The following ARL8B variants were observed in gnomAD, a reference collection of about 807,000 sequenced individuals.
ARL8B encodes ARF like GTPase 8B.
Under a neutral mutation model 30.6 loss-of-function variants are expected in ARL8B, and 9 were observed. The observed-to-expected ratio is 0.29, with a 90% confidence interval of 0.18 to 0.51. The LOEUF is 0.51. ARL8B is among the 20% of genes least tolerant of loss of function. The pLI is 0.97. For synonymous variants in ARL8B, 74 were observed against 76.0 expected (o/e 0.97, Z 0.14); for missense variants, 130 against 227.2 (o/e 0.57, Z 2.75).
intron 4 of ARL8B, among the ~76,000 whole-genome samples, chr3:5,173,787 A>G (rs1466305160): frequency 6.6e-6 from 1 of 152,246 alleles, no homozygotes; most frequent in South Asian, 2.1e-4. Flanking sequence ...ACTATTTTAC[A>G]TAGCAGTTGG....
rs2054190483 is a variant in ARL8B, at chr3:5,122,473, C to T, written c.8C>T (p.Ala3Val). The T allele has an allele frequency of 6.2e-7, 1 of 1,613,298 alleles. No homozygotes were observed. Among genetic ancestry groups the T allele is most frequent in the Non-Finnish European group, 8.5e-7 (1 of 1,179,718 alleles). ML[A>V]LISRLLDWFR... ...TCGCTCCCGGCCGCCATCATGCTGG[C>T]GCTCATCTCCCGCCTGCTGGACTGG... The change falls in exon 1 of 7, where the codon GCG becomes GTG. Residue 3 changes from alanine (A) to valine (V), a missense_variant. Coordinates refer to ENST00000256496, the MANE Select transcript of ARL8B (RefSeq NM_018184.3).
intron 1 of ARL8B, among the ~76,000 whole-genome samples, chr3:5,144,936 T>C (rs1325442253): frequency 6.6e-6 from 1 of 152,242 alleles, no homozygotes; most frequent in South Asian, 2.1e-4. Context: ...TTAGAATTAG[T>C]GAATATAGTG....
intron 1 of ARL8B, among the ~76,000 whole-genome samples, chr3:5,135,791 A>G (rs1160089737): frequency 2.5e-5 from 2 of 81,324 alleles, no homozygotes; most frequent in African/African-American, 1.2e-4. Context: ...TATTATTATT[A>G]TTATTATTAT....
chr3:5,122,692 A>G, intron 1 of ARL8B, 104 bp downstream of exon 1: 2 of 1,305,924 alleles, frequency 1.5e-6, no homozygotes, highest in Non-Finnish European at 2.1e-6. Context: ...GATGGGACTG[A>G]TGGCGGGGGG....
chr3:5,168,875 A>G (rs563433800), intron 1 of ARL8B, among the ~76,000 whole-genome samples: 2 of 152,318 alleles, frequency 1.3e-5, no homozygotes, highest in Non-Finnish European at 2.9e-5. Context: ...CATTATGTAA[A>G]ACACTTAATG....
intron 2 of ARL8B, among the ~76,000 whole-genome samples, 170 bp from the exon 3 acceptor site, chr3:5,171,980 A>G (rs1428878045): frequency 6.6e-6 from 1 of 152,276 alleles, no homozygotes; most frequent in African/African-American, 2.4e-5. Context: ...AGTGGCCCCA[A>G]GAATTCCCAT....
At chr3:5,150,412 G>A (rs777577985) in intron 1 of ARL8B, among the ~76,000 whole-genome samples, 4 of 148,466 alleles carry the variant, frequency 2.7e-5, no homozygotes, top group Non-Finnish European at 4.5e-5. Context: ...GCAGTGAGCC[G>A]AGATCTTGCC....
chr3:5,144,968 T>C (rs2054405889), intron 1 of ARL8B, among the ~76,000 whole-genome samples: 1 of 152,194 alleles, frequency 6.6e-6, no homozygotes, highest in African/African-American at 2.4e-5. Context: ...TTCAAGGAGC[T>C]TTAGCGCCTG....
chr3:5,143,740 C>T (rs189145568), intron 1 of ARL8B, among the ~76,000 whole-genome samples: 210 of 152,298 alleles, frequency 1.4e-3, no homozygotes, highest in African/African-American at 4.8e-3. Flanking sequence ...ACTGTGAACT[C>T]AAGAGGAAGA....
Position 5,131,493 on chromosome 3 carries a change from C to T in ARL8B, c.123+8905C>T, listed in dbSNP as rs549758364. Among the ~76,000 whole-genome samples the T allele has an allele frequency of 6.0e-5, 9 of 150,998 alleles. No homozygotes were observed. The South Asian group carries it at 1.0e-3, about 18-fold the overall frequency. On this transcript the variant is annotated intron_variant, in intron 1 of 6. Coordinates refer to ENST00000256496, the MANE Select transcript of ARL8B (RefSeq NM_018184.3). Reference sequence around the variant, plus strand: ...GCAACCTCCGCCTCCCGAGTTCAAGCGATTCTCCTGCCTCAGCCTCCTGAG... The same window carrying T: ...GCAACCTCCGCCTCCCGAGTTCAAGTGATTCTCCTGCCTCAGCCTCCTGAG...
intron 6 of ARL8B, among the ~76,000 whole-genome samples, chr3:5,174,762 ATATAT>A (rs141334831): frequency 7.8e-5 from 11 of 141,892 alleles, no homozygotes; most frequent in Non-Finnish European, 1.1e-4. Flanking sequence ...ATATATAAAT[ATATAT>A]TATATATAAC....
intron 1 of ARL8B, among the ~76,000 whole-genome samples, chr3:5,134,207 C>A (rs2054306539): frequency 6.6e-6 from 1 of 152,150 alleles, no homozygotes; most frequent in Non-Finnish European, 1.5e-5. Context: ...ACTTACCGTA[C>A]CCTGCTGATG....
At chr3:5,164,639 T>C (rs939243006) in intron 1 of ARL8B, among the ~76,000 whole-genome samples, 8 of 152,348 alleles carry the variant, frequency 5.3e-5, no homozygotes, top group South Asian at 4.1e-4. Context: ...GGATGTTCTT[T>C]TACATGAGTA....
In ARL8B at chr3:5,179,022, G is replaced by C; in HGVS notation, c.*309G>C. On this transcript the variant is annotated 3_prime_UTR_variant, in exon 7 of 7. Coordinates refer to ENST00000256496, the MANE Select transcript of ARL8B (RefSeq NM_018184.3). The stretch of plus-strand genomic sequence containing the variant: ...ATGACCATCTTAAATCAAGAAAATT[G>C]CATATTTCCATTCTGGTCTTTCTGG... The C allele has an allele frequency of 4.5e-6, 1 of 221,028 alleles. No individual in the cohort carries two copies. The highest frequency in any genetic ancestry group is 1.6e-3 in the Middle Eastern group (1 of 628). The allele number at this position is 221,028 out of a possible 1,614,324, so 13.7% of individuals were successfully genotyped here.
chr3:5,161,671 A>G (rs1451639628), intron 1 of ARL8B, among the ~76,000 whole-genome samples: 1 of 152,240 alleles, frequency 6.6e-6, no homozygotes, highest in Non-Finnish European at 1.5e-5. Context: ...CTCTGTATCT[A>G]ATATAATCAA....
chr3:5,127,805 A>G (rs1470321547), intron 1 of ARL8B, among the ~76,000 whole-genome samples: 2 of 141,858 alleles, frequency 1.4e-5, no homozygotes, highest in African/African-American at 5.2e-5. Flanking sequence ...CCTTGGAGGC[A>G]GAGCTTGCAG....
intron 1 of ARL8B, among the ~76,000 whole-genome samples, chr3:5,164,725 A>C (rs767230044): frequency 1.2e-4 from 18 of 152,134 alleles, no homozygotes; most frequent in Non-Finnish European, 2.2e-4. Context: ...TTGTCAGTTG[A>C]CCCAATAATA....
chr3:5,159,457 C>T (rs911854537), intron 1 of ARL8B, among the ~76,000 whole-genome samples: 1 of 151,568 alleles, frequency 6.6e-6, no homozygotes, highest in African/African-American at 2.4e-5. Context: ...ACAAAATTAG[C>T]TGGGTGTGGT....
intron 2 of ARL8B, 120 bp downstream of exon 2, chr3:5,170,703 T>C (rs1469322340): frequency 1.5e-6 from 1 of 646,200 alleles, no homozygotes; most frequent in Non-Finnish European, 2.6e-6. Flanking sequence ...ATGTGCATGT[T>C]TCAAAAGAAT....
Sources: gnomAD v4.1 joint callset for allele counts (sites outside exome capture counted in the v4.1 genomes callset) on GRCh38, gnomAD v4.1.1 for gene constraint, MANE v1.5 for transcripts, NCBI Gene and HGNC (gene_info 2026-07-23, HGNC 2026-07-21) for gene names.